The following RCOR3 variants were observed in gnomAD, a reference collection of about 807,000 sequenced individuals.
RCOR3 encodes REST corepressor 3.
A neutral mutation model predicts 64.1 loss-of-function variants in RCOR3; 13 were observed. The ratio of observed to expected loss-of-function variants is 0.20; its 90% CI spans 0.13 to 0.32. The LOEUF is 0.32. RCOR3 is among the 10% of genes least tolerant of loss of function. The pLI, the probability that RCOR3 is intolerant of heterozygous loss-of-function variation, is 1.00. For synonymous variants in RCOR3, 215 were observed against 239.0 expected, an observed-to-expected ratio of 0.90 and a Z score of 0.93; for missense variants, 489 against 701.2, an observed-to-expected ratio of 0.70 and a Z score of 3.42.
intron 3 of RCOR3, chr1:211,271,533 T>G (rs1410623816): frequency 1.6e-6 from 1 of 610,790 alleles, no homozygotes. Flanking sequence ...GTCAGGCCCA[T>G]GAAGAATGAA....
intron 7 of RCOR3, 134 bp from the exon 8 acceptor site, chr1:211,289,044 A>C (rs887036164): frequency 3.0e-6 from 2 of 664,322 alleles, no homozygotes; most frequent in African/African-American, 3.6e-5. Flanking sequence ...GGACTTGTAC[A>C]TAATATATAA....
At chr1:211,308,696 T>TG (rs1701169741) in intron 10 of RCOR3, among the ~76,000 whole-genome samples, 1 of 46,034 alleles carries the variant, frequency 2.2e-5, no homozygotes, top group African/African-American at 6.0e-5. Flanking sequence ...TTTTTTTTTT[T>TG]TTTGTGTAGT....
chr1:211,279,961 TA>T (rs1472762512), intron 7 of RCOR3, among the ~76,000 whole-genome samples: 19 of 152,216 alleles, frequency 1.2e-4, no homozygotes, highest in African/African-American at 4.6e-4. Flanking sequence ...TTGTTGCTAC[TA>T]TGAAAAACAG....
chr1:211,259,380 A>C lies in RCOR3; in HGVS notation c.-181A>C. 10 of 532,560 alleles carry C rather than the reference A, an allele frequency of 1.9e-5. No individual in the cohort carries two copies. Among genetic ancestry groups the C allele is most frequent in the East Asian group, 7.6e-5 (2 of 26,358 alleles). 33.0% of individuals were successfully genotyped at this position (532,560 alleles called of 1,614,324 possible). A position where few individuals can be genotyped will look rare whatever the true frequency, so the allele number is the denominator to read the frequency against. ...GGCCGGGGCGGGTTGTTGTGAGGCG[A>C]CTGCGCTACTGCCGGAGCGGGGCGG... On this transcript the variant is annotated 5_prime_UTR_variant, in exon 1 of 12. Coordinates refer to ENST00000419091, the MANE Select transcript of RCOR3 (RefSeq NM_001136223.3).
intron 2 of RCOR3, chr1:211,267,773 A>G: frequency 3.2e-6 from 1 of 310,188 alleles, no homozygotes; most frequent in Non-Finnish European, 6.3e-6. Context: ...TTGTGTTTTT[A>G]GTAGAGACAA....
intron 2 of RCOR3, among the ~76,000 whole-genome samples, chr1:211,266,204 G>C (rs1695165000): frequency 6.6e-6 from 1 of 152,088 alleles, no homozygotes; most frequent in South Asian, 2.1e-4. Context: ...TTAGAACCTA[G>C]TATATATAAA....
Position 211,259,585 on chromosome 1 carries a change from C to T in RCOR3, c.25C>T (p.Pro9Ser), listed in dbSNP as rs1419292823. 1 of 1,548,684 alleles carries T rather than the reference C, an allele frequency of 6.5e-7. No homozygotes were observed. Among genetic ancestry groups the T allele is most frequent in the Non-Finnish European group, 8.7e-7 (1 of 1,146,146 alleles). Residue 9 changes from proline to serine, a missense_variant, in exon 1 of 12, where the codon CCC (proline) becomes TCC (serine). Physicochemically the swap from Pro to Ser is moderately conservative, Grantham distance 74. Transcript: ENST00000419091. ...CATGCCCGGCATGATGGAGAAAGGG[C>T]CCGAGTTACTGGGGAAGAACCGATC... is the stretch of plus-strand genomic sequence containing the variant. MPGMMEKG[P>S]ELLGKNRSAN...
intron 3 of RCOR3, among the ~76,000 whole-genome samples, chr1:211,273,786 C>A (rs1478535120): frequency 1.3e-5 from 2 of 152,062 alleles, no homozygotes; most frequent in Non-Finnish European, 2.9e-5. Context: ...ATACATCAAT[C>A]AAAAATGGAA....
chr1:211,308,676 T>TTG (rs1701145452), intron 10 of RCOR3, among the ~76,000 whole-genome samples: 1 of 35,886 alleles, frequency 2.8e-5, no homozygotes, highest in African/African-American at 7.2e-5. Flanking sequence ...TTTTTTTGTT[T>TTG]TTTTTTTGTT....
At chr1:211,276,088 A>G (rs1039550587) in intron 4 of RCOR3, among the ~76,000 whole-genome samples, 169 bp from the exon 5 acceptor site, 12 of 152,202 alleles carry the variant, frequency 7.9e-5, no homozygotes, top group Non-Finnish European at 1.8e-4. Context: ...AAAGAAATAA[A>G]TAAATGAGGT....
intron 6 of RCOR3, among the ~76,000 whole-genome samples, chr1:211,278,536 G>A (rs1210874866): frequency 2.0e-5 from 3 of 152,068 alleles, no homozygotes; most frequent in African/African-American, 7.2e-5. Context: ...AATTACCTGA[G>A]TAACTGAAAC....
rs778600716 is a variant in RCOR3, at chr1:211,312,671, G to A, written c.1076-49G>A. 5.4e-6 allele frequency: 7 copies of A among 1,304,684 alleles called. No homozygotes were observed. In the African/African-American group the frequency reaches 5.8e-5, roughly 11 times the overall value. The allele number at this position is 1,304,684 out of a possible 1,614,324, so 80.8% of individuals were successfully genotyped here. The stretch of plus-strand genomic sequence containing the variant: ...GTGTGCATGATGTATAGTACACACA[G>A]CTCTCCTTATTGATCCTTCACAGGT... On this transcript the variant is annotated intron_variant, in intron 10 of 11. Coordinates refer to ENST00000419091, the MANE Select transcript of RCOR3 (RefSeq NM_001136223.3). The surrounding 1 kb of genome is among the most constrained non-coding windows in gnomAD (Gnocchi z 5.0).
chr1:211,279,965 A>G (rs1201600207), intron 7 of RCOR3, among the ~76,000 whole-genome samples: 1 of 152,192 alleles, frequency 6.6e-6, no homozygotes, highest in African/African-American at 2.4e-5. Flanking sequence ...TGCTACTATG[A>G]AAAACAGTTT....
chr1:211,265,889 C>A (rs568882508), intron 2 of RCOR3, among the ~76,000 whole-genome samples: 3 of 152,128 alleles, frequency 2.0e-5, no homozygotes, highest in South Asian at 2.1e-4. Context: ...CTGTTTGAAA[C>A]CCTGGAGGGT....
Position 211,312,836 on chromosome 1 carries a change from G to T in RCOR3, c.1192G>T (p.Val398Leu), listed in dbSNP as rs1214622775. ...CAGGCGTCGGTTTAACTTAGAGGAGGTATTGCAGGAGTGGGAAGCAGAACA... is the reference window on the plus strand; with the variant it reads ...CAGGCGTCGGTTTAACTTAGAGGAGTTATTGCAGGAGTGGGAAGCAGAACA... ...NYRRRFNLEE[V>L]LQEWEAEQGT... Residue 398 changes from valine to leucine, a missense_variant, in exon 11 of 12, where the codon GTA becomes TTA. Val to Leu is a conservative substitution (Grantham distance 32). Transcript: ENST00000419091. The surrounding 1 kb of genome is among the most constrained non-coding windows in gnomAD (Gnocchi z 5.0). 5 of 1,614,192 alleles carry T rather than the reference G, an allele frequency of 3.1e-6. No individual in the cohort carries two copies. The highest frequency in any genetic ancestry group is 1.7e-5 in the Admixed American group (1 of 60,024).
At chr1:211,275,031 CTA>C (rs1271417611) in intron 4 of RCOR3, among the ~76,000 whole-genome samples, 1 of 150,842 alleles carries the variant, frequency 6.6e-6, no homozygotes, top group Non-Finnish European at 1.5e-5. Flanking sequence ...GTAATACACT[CTA>C]TTATATATAA....
At chr1:211,286,991 G>GT (rs1264632776) in intron 7 of RCOR3, among the ~76,000 whole-genome samples, 2 of 152,158 alleles carry the variant, frequency 1.3e-5, no homozygotes, top group African/African-American at 2.4e-5. Flanking sequence ...TGAGACCTGG[G>GT]TTTAAAGTGC....
chr1:211,286,810 A>G (rs1178658408), intron 7 of RCOR3, among the ~76,000 whole-genome samples: 2 of 152,146 alleles, frequency 1.3e-5, no homozygotes, highest in African/African-American at 4.8e-5. Flanking sequence ...AAATCTCACA[A>G]ATCAAACATA....
intron 9 of RCOR3, chr1:211,302,646 A>G (rs1700496549): frequency 2.6e-5 from 4 of 152,224 alleles, no homozygotes; most frequent in Admixed American, 2.6e-4. Context: ...TTCAGATTGA[A>G]CTGCAATCAA....
Sources: allele counts gnomAD v4.1 joint callset (sites outside exome capture counted in the v4.1 genomes callset), GRCh38; gene constraint gnomAD v4.1.1; non-coding constraint Gnocchi (gnomAD v3.1); transcripts MANE v1.5; gene names NCBI Gene and HGNC (gene_info 2026-07-23, HGNC 2026-07-21).